The following SDCCAG8 variants were observed in gnomAD, a reference collection of about 807,000 sequenced individuals.
SDCCAG8 encodes SHH signaling and ciliogenesis regulator SDCCAG8, also known as serologically defined colon cancer antigen 8.
A neutral mutation model predicts 101.8 loss-of-function variants in SDCCAG8; 74 were observed. That is an observed-to-expected ratio of 0.73 (90% CI 0.60 to 0.88). SDCCAG8 has a LOEUF of 0.88. Ranked by LOEUF, SDCCAG8 falls within the 40% of genes least tolerant of loss-of-function variation. The pLI is 0.00. For missense variants in SDCCAG8, 787 were observed against 822.6 expected (o/e 0.96, Z 0.53); for synonymous variants, 281 against 292.9 (o/e 0.96, Z 0.41).
chr1:243,266,321 CT>C (rs570185322), intron 1 of SDCCAG8, among the ~76,000 whole-genome samples: 460 of 141,780 alleles, frequency 3.2e-3, no homozygotes, highest in Middle Eastern at 7.5e-3. Context: ...TTTTCTTTTT[CT>C]TTTTTTTTTT....
chr1:243,359,299 C>G (rs967737), intron 12 of SDCCAG8, among the ~76,000 whole-genome samples: 1 of 152,220 alleles, frequency 6.6e-6, no homozygotes, highest in African/African-American at 2.4e-5. Context: ...AGGCTGTGCA[C>G]TGCACAATTC....
In SDCCAG8 at chr1:243,499,897, A is replaced by G; in HGVS notation, c.*112A>G. 1 of 1,013,486 alleles carries G rather than the reference A, an allele frequency of 9.9e-7. No individual in the cohort carries two copies. Among genetic ancestry groups the G allele is most frequent in the Non-Finnish European group, 1.5e-6 (1 of 656,360 alleles). 62.8% of individuals were successfully genotyped at this position (1,013,486 alleles called of 1,614,324 possible). On this transcript the variant is annotated 3_prime_UTR_variant, in exon 18 of 18. Coordinates refer to ENST00000366541, the MANE Select transcript of SDCCAG8 (RefSeq NM_006642.5). ...GACCTTCCCAGGGTGACACCGCCTC[A>G]GCCTGCAGTGGGGCTGGTCCTCATC...
intron 16 of SDCCAG8, among the ~76,000 whole-genome samples, chr1:243,427,377 A>G (rs1393191935): frequency 6.6e-6 from 1 of 151,982 alleles, no homozygotes; most frequent in Non-Finnish European, 1.5e-5. Context: ...TTTTTTATCC[A>G]TGTGCCATTT....
At chr1:243,313,589 G>T (rs2072963219) in intron 8 of SDCCAG8, among the ~76,000 whole-genome samples, 1 of 152,182 alleles carries the variant, frequency 6.6e-6, no homozygotes, top group African/African-American at 2.4e-5. Context: ...ACACAGTGTT[G>T]CTGGCTTTGC....
intron 13 of SDCCAG8, among the ~76,000 whole-genome samples, chr1:243,410,577 C>T (rs1245474976): frequency 6.6e-6 from 1 of 152,102 alleles, no homozygotes; most frequent in Non-Finnish European, 1.5e-5. Context: ...TGAGTAGGAA[C>T]ATGGAAGGTG....
intron 17 of SDCCAG8, among the ~76,000 whole-genome samples, chr1:243,497,854 AT>A (rs1558559876): frequency 6.6e-6 from 1 of 151,700 alleles, no homozygotes; most frequent in African/African-American, 2.4e-5. Flanking sequence ...AATTTTTACA[AT>A]TTTTTTTGTA....
intron 16 of SDCCAG8, among the ~76,000 whole-genome samples, chr1:243,469,378 A>G (rs553960716): frequency 6.6e-6 from 1 of 152,214 alleles, no homozygotes; most frequent in Non-Finnish European, 1.5e-5. Flanking sequence ...CTTGGCTATG[A>G]AGGCAGTTCC....
intron 16 of SDCCAG8, among the ~76,000 whole-genome samples, chr1:243,452,907 G>A (rs1250220212): frequency 6.6e-6 from 1 of 152,236 alleles, no homozygotes; most frequent in African/African-American, 2.4e-5. Flanking sequence ...AAACGTTGAA[G>A]AACTGAGTGA....
At chr1:243,415,542 G>T (rs545577892) in intron 13 of SDCCAG8, among the ~76,000 whole-genome samples, 160 bp from the exon 14 acceptor site, 1 of 152,252 alleles carries the variant, frequency 6.6e-6, no homozygotes, top group South Asian at 2.1e-4. Flanking sequence ...AAGGTTGTTT[G>T]GATCTTCCCC....
chr1:243,497,133 G>A (rs1489186643), intron 17 of SDCCAG8, among the ~76,000 whole-genome samples: 1 of 152,138 alleles, frequency 6.6e-6, no homozygotes, highest in Non-Finnish European at 1.5e-5. Flanking sequence ...AGGACTTCCT[G>A]GAAATAAGCA....
intron 16 of SDCCAG8, among the ~76,000 whole-genome samples, chr1:243,445,105 A>G (rs1444311602): frequency 6.6e-6 from 1 of 152,214 alleles, no homozygotes; most frequent in East Asian, 1.9e-4. Context: ...AATAACAAAC[A>G]TATTTTTCCA....
chr1:243,439,015 G>A (rs2082344376), intron 16 of SDCCAG8, among the ~76,000 whole-genome samples: 1 of 152,198 alleles, frequency 6.6e-6, no homozygotes, highest in Admixed American at 6.5e-5. Context: ...ACCTGTGCAA[G>A]GATTAAATAT....
At chr1:243,385,776 C>T (rs889832857) in intron 13 of SDCCAG8, among the ~76,000 whole-genome samples, 2 of 151,894 alleles carry the variant, frequency 1.3e-5, no homozygotes, top group Non-Finnish European at 2.9e-5. Context: ...TCGAGACCAG[C>T]CTGACCAACA....
chr1:243,274,638 A>G lies in SDCCAG8; in HGVS notation c.402A>G (p.Ala134=). The G allele has an allele frequency of 6.3e-7, 1 of 1,597,796 alleles. No individual in the cohort carries two copies. Among genetic ancestry groups the G allele is most frequent in the East Asian group, 2.2e-5 (1 of 44,702 alleles). ...CTCAATATATTCATCATTTAGAGGC[A>G]GAAGTTAAGTTCTGCAAGGTAAGTT... ...DQSQYIHHLE[A]EVKFCKEELS... The change falls in exon 4 of 18, where the codon GCA becomes GCG. Residue 134 remains alanine (A), a synonymous_variant. Coordinates refer to ENST00000366541, the MANE Select transcript of SDCCAG8 (RefSeq NM_006642.5).
chr1:243,269,366 G>A (rs902922421), intron 1 of SDCCAG8, among the ~76,000 whole-genome samples: 14 of 148,618 alleles, frequency 9.4e-5, no homozygotes, highest in Non-Finnish European at 4.4e-5. Flanking sequence ...GCAGTGGTGC[G>A]ATCTCGGCTC....
chr1:243,352,056 A>G (rs913350607), intron 12 of SDCCAG8, among the ~76,000 whole-genome samples: 3 of 152,244 alleles, frequency 2.0e-5, no homozygotes, highest in Non-Finnish European at 4.4e-5. Flanking sequence ...TTCAATTAAC[A>G]TGCTCAAAAA....
intron 9 of SDCCAG8, among the ~76,000 whole-genome samples, chr1:243,325,597 A>G (rs181262427): frequency 1.8e-4 from 28 of 152,222 alleles, no homozygotes; most frequent in African/African-American, 6.0e-4. Flanking sequence ...TTTATAAGAA[A>G]ATAAATATAT....
At chr1:243,460,933 T>C (rs1432438867) in intron 16 of SDCCAG8, among the ~76,000 whole-genome samples, 3 of 152,206 alleles carry the variant, frequency 2.0e-5, no homozygotes, top group African/African-American at 7.2e-5. Flanking sequence ...TATTGCTTAA[T>C]TATTATACCT....
intron 12 of SDCCAG8, among the ~76,000 whole-genome samples, chr1:243,359,268 G>A (rs949914282): frequency 3.9e-5 from 6 of 152,166 alleles, no homozygotes; most frequent in Non-Finnish European, 7.3e-5. Context: ...AGATGAACAG[G>A]CTTGCTCCAT....
Sources: allele counts gnomAD v4.1 joint callset (sites outside exome capture counted in the v4.1 genomes callset), GRCh38; gene constraint gnomAD v4.1.1; transcripts MANE v1.5; gene names NCBI Gene and HGNC (gene_info 2026-07-23, HGNC 2026-07-21).